Variants in SCAND3 observed in about 807,000 individuals in gnomAD.
SCAND3 encodes the protein SCAN domain-containing protein 3.
chr6:28,596,803 C>T, the SCAND3 span, among the ~76,000 whole-genome samples: 1 of 151,926 alleles, frequency 6.6e-6, no homozygotes, highest in East Asian at 1.9e-4. Flanking sequence ...AAGCTAGAGA[C>T]CAGCAGACAA....
the SCAND3 span, among the ~76,000 whole-genome samples, chr6:28,602,562 C>T: frequency 5.9e-4 from 90 of 152,336 alleles, no homozygotes; most frequent in Non-Finnish European, 1.1e-3. Context: ...TCTCTTTCTT[C>T]TCTGCCCCAA....
chr6:28,580,567 A>G, the SCAND3 span, among the ~76,000 whole-genome samples: 4 of 152,222 alleles, frequency 2.6e-5, no homozygotes, highest in East Asian at 5.8e-4. Context: ...TTAATAAGGT[A>G]TCTTATGTAA....
At chr6:28,607,237 G>A in the SCAND3 span, among the ~76,000 whole-genome samples, 1 of 152,072 alleles carries the variant, frequency 6.6e-6, no homozygotes, top group East Asian at 1.9e-4. Context: ...ACCAGTTTTG[G>A]GAGTGCGCAC....
At chr6:28,586,827 A>G in the SCAND3 span, 1 of 870,258 alleles carries the variant, frequency 1.1e-6, no homozygotes, top group Non-Finnish European at 1.7e-6. The surrounding 1 kb of genome is among the most constrained non-coding windows in gnomAD (Gnocchi z 4.4). Context: ...TTTTGATATA[A>G]GAAAACACTC....
the SCAND3 span, among the ~76,000 whole-genome samples, chr6:28,582,964 A>C: frequency 0.05 from 7,647 of 152,122 alleles, 323 homozygotes; most frequent in African/African-American, 0.12. This position sits in a 1 kb window ranked among gnomAD's most constrained non-coding sequence, Gnocchi z 4.8. Flanking sequence ...AACACTATAA[A>C]AACTCTAGTA....
the SCAND3 span, among the ~76,000 whole-genome samples, chr6:28,602,364 A>G: frequency 6.6e-6 from 1 of 152,028 alleles, no homozygotes; most frequent in South Asian, 2.1e-4. Context: ...GCTCACCACT[A>G]CACCCACCTA....
chr6:28,582,205 G>T, the SCAND3 span, among the ~76,000 whole-genome samples: 1 of 152,238 alleles, frequency 6.6e-6, no homozygotes, highest in Non-Finnish European at 1.5e-5. The surrounding 1 kb of genome is among the most constrained non-coding windows in gnomAD (Gnocchi z 4.8). Flanking sequence ...AGTTCTGAAT[G>T]TGGCCCAACA....
chr6:28,607,159 G>T, the SCAND3 span, among the ~76,000 whole-genome samples: 1 of 152,174 alleles, frequency 6.6e-6, no homozygotes, highest in African/African-American at 2.4e-5. Context: ...TGTGGTTGGG[G>T]GTGTAGCTCA....
At chr6:28,610,346 A>G in the SCAND3 span, among the ~76,000 whole-genome samples, 1 of 151,864 alleles carries the variant, frequency 6.6e-6, no homozygotes, top group African/African-American at 2.4e-5. Context: ...ACATGATGAA[A>G]CTCCGTCTCT....
At chr6:28,600,262 T>C in the SCAND3 span, among the ~76,000 whole-genome samples, 19 of 152,334 alleles carry the variant, frequency 1.2e-4, no homozygotes, top group East Asian at 3.7e-3. Flanking sequence ...GCAAAAGATC[T>C]GGACACTTCA....
the SCAND3 span, chr6:28,576,031 T>C: frequency 6.2e-7 from 1 of 1,613,852 alleles, no homozygotes; most frequent in Non-Finnish European, 8.5e-7. Context: ...TCTGAAGAAC[T>C]TTTCTCTCAT....
chr6:28,577,183 T>G, the SCAND3 span, among the ~76,000 whole-genome samples: 4 of 152,138 alleles, frequency 2.6e-5, no homozygotes, highest in East Asian at 7.7e-4. Flanking sequence ...TTAAAAGAAA[T>G]TTCTAGAATA....
the SCAND3 span, among the ~76,000 whole-genome samples, chr6:28,574,013 C>T: frequency 1.3e-5 from 2 of 151,992 alleles, no homozygotes; most frequent in Admixed American, 6.6e-5. Flanking sequence ...GGCTGATAAA[C>T]GAAACATAAA....
the SCAND3 span, among the ~76,000 whole-genome samples, chr6:28,605,864 G>T: frequency 6.6e-6 from 1 of 151,580 alleles, no homozygotes; most frequent in South Asian, 2.1e-4. Context: ...AAGAAAGAAA[G>T]AAATGAAAAT....
the SCAND3 span, chr6:28,575,055 T>G: frequency 1.2e-6 from 2 of 1,614,208 alleles, no homozygotes; most frequent in Admixed American, 3.3e-5. This position sits in a 1 kb window ranked among gnomAD's most constrained non-coding sequence, Gnocchi z 4.2. Context: ...CAGCCTGATC[T>G]AATTCATTTT....
At chr6:28,598,669 A>C in the SCAND3 span, among the ~76,000 whole-genome samples, 7 of 150,336 alleles carry the variant, frequency 4.7e-5, 1 homozygote, top group South Asian at 4.2e-4. Context: ...ACATTGTGAA[A>C]CCCTGTTTCT....
At chr6:28,598,311 A>G in the SCAND3 span, among the ~76,000 whole-genome samples, 10 of 152,316 alleles carry the variant, frequency 6.6e-5, no homozygotes, top group African/African-American at 2.4e-4. Context: ...CGGCTTTTCT[A>G]TATTTGGTGG....
At chr6:28,581,345 TA>T in the SCAND3 span, among the ~76,000 whole-genome samples, 4 of 151,980 alleles carry the variant, frequency 2.6e-5, no homozygotes, top group African/African-American at 9.7e-5. Context: ...CTCAAATAAA[TA>T]AATAAAAATG....
chr6:28,590,047 G>C, the SCAND3 span: 1 of 152,204 alleles, frequency 6.6e-6, no homozygotes, highest in East Asian at 1.9e-4. Flanking sequence ...CGGAGGGCTC[G>C]GGTCCCTGGT....
Sources: gnomAD v4.1 joint callset for allele counts (sites outside exome capture counted in the v4.1 genomes callset) on GRCh38, gnomAD v4.1.1 for gene constraint, Gnocchi (gnomAD v3.1) non-coding constraint, MANE v1.5 for transcripts, NCBI Gene and HGNC (gene_info 2026-07-23, HGNC 2026-07-21) for gene names.